Variants in BMPR2 observed in about 807,000 individuals in gnomAD.
The protein encoded by BMPR2 is bone morphogenetic protein receptor type 2, also known as bone morphogenetic protein receptor type-2.
A neutral mutation model predicts 100.8 loss-of-function variants in BMPR2; 29 were observed. The ratio of observed to expected loss-of-function variants is 0.29; its 90% CI spans 0.21 to 0.39. BMPR2 has a LOEUF of 0.39. BMPR2 is among the 10% of genes least tolerant of loss of function. The pLI is 1.00. For missense variants in BMPR2, 1,011 were observed against 1,274.5 expected (o/e 0.79, Z 3.15); for synonymous variants, 382 against 442.3 (o/e 0.86, Z 1.71).
chr2:202,561,297 T>C lies in BMPR2; in HGVS notation c.*1351T>C, dbSNP rs1361927113. The C allele has an allele frequency of 6.6e-6, 1 of 152,170 alleles. No individual in the cohort carries two copies. The highest frequency in any genetic ancestry group is 1.5e-5 in the Non-Finnish European group (1 of 68,006). The allele number at this position is 152,170 out of a possible 1,614,324, so 9.4% of individuals were successfully genotyped here. A position where few individuals can be genotyped will look rare whatever the true frequency, so the allele number is the denominator to read the frequency against. ...AATCCTATTTTCATAATTTTTCCTT[T>C]TGCCAGTTTTTCACATTATCTTTGA... is the stretch of plus-strand genomic sequence containing the variant. On this transcript the variant is annotated 3_prime_UTR_variant, in exon 13 of 13. Transcript: ENST00000374580.
At chr2:202,510,659 T>G (rs1687603868) in intron 3 of BMPR2, among the ~76,000 whole-genome samples, 1 of 151,552 alleles carries the variant, frequency 6.6e-6, no homozygotes, top group African/African-American at 2.4e-5. Flanking sequence ...TAAAATGAGG[T>G]TTTTTTTGTT....
intron 8 of BMPR2, among the ~76,000 whole-genome samples, chr2:202,531,719 C>T (rs1309707165): frequency 6.6e-6 from 1 of 152,020 alleles, no homozygotes; most frequent in African/African-American, 2.4e-5. Flanking sequence ...GCAACCTCTG[C>T]CTCCCAGGTT....
At chr2:202,466,883 C>G (rs1692334389) in intron 2 of BMPR2, among the ~76,000 whole-genome samples, 1 of 152,178 alleles carries the variant, frequency 6.6e-6, no homozygotes, top group Non-Finnish European at 1.5e-5. Context: ...TAGGCGTGAG[C>G]CACCGTGCCC....
At chr2:202,518,507 A>C (rs905677089) in intron 5 of BMPR2, among the ~76,000 whole-genome samples, 1 of 152,194 alleles carries the variant, frequency 6.6e-6, no homozygotes, top group Non-Finnish European at 1.5e-5. Context: ...TCAGGATAAA[A>C]GTCATAAAAA....
chr2:202,422,354 T>A (rs1691282035), intron 1 of BMPR2, among the ~76,000 whole-genome samples: 1 of 152,174 alleles, frequency 6.6e-6, no homozygotes, highest in East Asian at 1.9e-4. Flanking sequence ...TCGCCCAGGC[T>A]GGAGTGCAGT....
At chr2:202,393,892 A>AGC (rs1690605157) in intron 1 of BMPR2, among the ~76,000 whole-genome samples, 28 of 88,730 alleles carry the variant, frequency 3.2e-4, no homozygotes, top group African/African-American at 1.7e-3. Context: ...CGAGAGAGAG[A>AGC]GAGAGAGAGA....
At chr2:202,515,252 A>G (rs1574486710) in intron 5 of BMPR2, among the ~76,000 whole-genome samples, 1 of 152,086 alleles carries the variant, frequency 6.6e-6, no homozygotes, top group African/African-American at 2.4e-5. Context: ...TACAGTGGAT[A>G]AGAAAGTGAT....
At chr2:202,482,800 A>G (rs867567559) in intron 3 of BMPR2, among the ~76,000 whole-genome samples, 1 of 152,044 alleles carries the variant, frequency 6.6e-6, no homozygotes, top group Non-Finnish European at 1.5e-5. Context: ...CGGCCTCTCA[A>G]AGTGCTGGGA....
chr2:202,516,248 G>A (rs1260122816), intron 5 of BMPR2, among the ~76,000 whole-genome samples: 1 of 152,128 alleles, frequency 6.6e-6, no homozygotes, highest in Non-Finnish European at 1.5e-5. Context: ...AGAACTTTCT[G>A]TTTTGGGAGA....
At chr2:202,483,876 G>T (rs755538788) in intron 3 of BMPR2, among the ~76,000 whole-genome samples, 61 of 152,220 alleles carry the variant, frequency 4.0e-4, no homozygotes, top group Non-Finnish European at 7.8e-4. Flanking sequence ...AAAATCATTT[G>T]ATGCCAGGAA....
intron 1 of BMPR2, among the ~76,000 whole-genome samples, chr2:202,426,180 T>C (rs533803989): frequency 1.4e-4 from 22 of 152,292 alleles, no homozygotes; most frequent in African/African-American, 5.1e-4. Context: ...CCCTGAGTGA[T>C]TAGGATGATC....
intron 1 of BMPR2, among the ~76,000 whole-genome samples, chr2:202,431,360 G>T (rs1387577510): frequency 6.6e-6 from 1 of 150,534 alleles, no homozygotes; most frequent in Non-Finnish European, 1.5e-5. Context: ...ACAAACATAG[G>T]TATGAATTTT....
At chr2:202,499,308 C>A (rs560754605) in intron 3 of BMPR2, among the ~76,000 whole-genome samples, 1 of 152,132 alleles carries the variant, frequency 6.6e-6, no homozygotes, top group African/African-American at 2.4e-5. Context: ...GAAAAGAATG[C>A]GGCTTTAGCT....
chr2:202,456,063 CAAAAAAAAAAAAA>C (rs750470872), intron 1 of BMPR2, among the ~76,000 whole-genome samples: 12 of 36,760 alleles, frequency 3.3e-4, no homozygotes, highest in South Asian at 3.1e-3. Flanking sequence ...AGACCCGTCT[CAAAAAAAAAAAAA>C]AAAAAAAAAA....
intron 1 of BMPR2, among the ~76,000 whole-genome samples, chr2:202,453,205 C>CTT (rs5837819): frequency 0.011 from 1,597 of 148,734 alleles, 20 homozygotes; most frequent in Non-Finnish European, 0.015. Flanking sequence ...TATATACTGT[C>CTT]TTTTTTTTTT....
chr2:202,448,952 T>C (rs1691915594), intron 1 of BMPR2, among the ~76,000 whole-genome samples: 1 of 151,622 alleles, frequency 6.6e-6, no homozygotes, highest in African/African-American at 2.4e-5. Flanking sequence ...TGTGTGTGTG[T>C]GTGTGTGTGT....
chr2:202,397,895 C>T (rs1177331250), intron 1 of BMPR2, among the ~76,000 whole-genome samples: 2 of 151,556 alleles, frequency 1.3e-5, no homozygotes, highest in African/African-American at 4.8e-5. Flanking sequence ...CTGAGGTGGG[C>T]GGATCACCTG....
intron 1 of BMPR2, among the ~76,000 whole-genome samples, chr2:202,460,422 T>C (rs1013299253): frequency 2.6e-5 from 4 of 152,138 alleles, no homozygotes; most frequent in African/African-American, 9.7e-5. Flanking sequence ...CATTAGAATA[T>C]CCATGCTATG....
At chr2:202,377,706 G>T (rs557979440) in intron 1 of BMPR2, among the ~76,000 whole-genome samples, 156 bp downstream of exon 1, 1 of 152,384 alleles carries the variant, frequency 6.6e-6, no homozygotes, top group South Asian at 2.1e-4. Flanking sequence ...CCTGCCCCAT[G>T]CCTTCCAGGG....
Sources: allele counts gnomAD v4.1 joint callset (sites outside exome capture counted in the v4.1 genomes callset), GRCh38; gene constraint gnomAD v4.1.1; transcripts MANE v1.5; gene names NCBI Gene and HGNC (gene_info 2026-07-23, HGNC 2026-07-21).